Variants in USF3 observed in about 807,000 individuals in gnomAD.
USF3 encodes the protein upstream transcription factor family member 3.
In USF3, 29 loss-of-function variants were observed where a neutral mutation model predicts 157.5. The observed-to-expected ratio is 0.18, with a 90% CI of 0.14 to 0.25. The LOEUF (loss-of-function observed/expected upper bound fraction) is 0.25, where lower values mean the gene tolerates loss of function less well. Among genes scored for constraint, USF3 ranks in the 10% least tolerant of loss-of-function variants. USF3 has a pLI of 1.00. For missense variants in USF3, 2,381 were observed against 2,667.6 expected (o/e 0.89, Z 2.37); for synonymous variants, 893 against 941.4 (o/e 0.95, Z 0.94).
rs769725668 is a variant in USF3 at position 113,655,034 on chromosome 3, G to A, written c.6648C>T (p.Ser2216=). The A allele has an allele frequency of 2.2e-5, 36 of 1,614,120 alleles. No individual in the cohort carries two copies. The East Asian group carries it at 6.5e-4, about 29-fold the overall frequency. The change falls in exon 7 of 7, where the codon TCC becomes TCT. Residue 2216 remains serine (S), a synonymous_variant. Coordinates refer to ENST00000316407, the MANE Select transcript of USF3 (RefSeq NM_001009899.4). The part of the protein sequence containing the change: ...AMSPLLTIAN[S]SASDSSKQSS... ...ACTGCTTGGAAGAGTCAGAGGCAGA[G>A]GAATTTGCTATTGTAAGCAAAGGTG...
chr3:113,675,241 T>G, intron 2 of USF3, among the ~76,000 whole-genome samples: 1 of 152,184 alleles, frequency 6.6e-6, no homozygotes, highest in East Asian at 1.9e-4. Flanking sequence ...CATAGTTGAG[T>G]TGGGAGAGTA....
At chr3:113,684,128 A>T (rs1450732320) in intron 1 of USF3, among the ~76,000 whole-genome samples, 3 of 152,186 alleles carry the variant, frequency 2.0e-5, no homozygotes, top group African/African-American at 7.2e-5. Context: ...TGGATATAAT[A>T]TTCTAGGATA....
chr3:113,681,857 TAC>T (rs1459832985), intron 1 of USF3, among the ~76,000 whole-genome samples: 2 of 150,216 alleles, frequency 1.3e-5, no homozygotes, highest in Non-Finnish European at 3.0e-5. Flanking sequence ...TAGCTGGGAT[TAC>T]AGGTACCTGC....
chr3:113,653,805 T>C lies in USF3; in HGVS notation c.*1139A>G, dbSNP rs1228716872. ...AGACTATATATTTTTTGAAGCACCA[T>C]TTCACATCTACCAACAAGAAAAATA... On this transcript the variant is annotated 3_prime_UTR_variant, in exon 7 of 7. Transcript: ENST00000316407. The C allele has an allele frequency of 1.1e-4, 17 of 151,930 alleles. 1 individual carries two copies. The highest frequency in any genetic ancestry group is 1.0e-3 in the Admixed American group (16 of 15,258). 9.4% of individuals were successfully genotyped at this position (151,930 alleles called of 1,614,324 possible).
chr3:113,693,797 A>G (rs1707741840), intron 1 of USF3, among the ~76,000 whole-genome samples: 1 of 152,224 alleles, frequency 6.6e-6, no homozygotes, highest in African/African-American at 2.4e-5. Flanking sequence ...AACTTTCATA[A>G]AAGTGTAATT....
At chr3:113,676,161 A>C (rs1233376241) in intron 2 of USF3, among the ~76,000 whole-genome samples, 1 of 152,162 alleles carries the variant, frequency 6.6e-6, no homozygotes, top group Non-Finnish European at 1.5e-5. Context: ...CCTGTCTTCT[A>C]ATCTGAGCCC....
In USF3 at chr3:113,655,567, G is replaced by C; in HGVS notation, c.6115C>G (p.Arg2039Gly). 1 of 1,614,086 alleles carries C rather than the reference G, an allele frequency of 6.2e-7. No individual in the cohort carries two copies. Among genetic ancestry groups the C allele is most frequent in the Non-Finnish European group, 8.5e-7 (1 of 1,180,008 alleles). The change falls in exon 7 of 7, where the codon CGT (arginine) becomes GGT (glycine). Residue 2039 changes from arginine to glycine, a missense_variant. By Grantham distance (125) the Arg-to-Gly change is moderately radical. Coordinates refer to ENST00000316407, the MANE Select transcript of USF3 (RefSeq NM_001009899.4). The stretch of plus-strand genomic sequence containing the variant: ...ACTTGTGGGCTATCAGGCATGAAAC[G>C]AACAATACTTCCTCTCTTCTCTGTG... ...PATEKRGSIV[R>G]FMPDSPQVPN...
intron 1 of USF3, among the ~76,000 whole-genome samples, chr3:113,687,228 G>GTC (rs1491015602): frequency 1.4e-4 from 13 of 90,410 alleles, no homozygotes; most frequent in Admixed American, 9.8e-4. Context: ...TACACACACA[G>GTC]TCACACACAC....
chr3:113,655,939 C>T lies in USF3; in HGVS notation c.5743G>A (p.Val1915Ile), dbSNP rs1947349200. 1 of 1,614,148 alleles carries T rather than the reference C, an allele frequency of 6.2e-7. No homozygotes were observed. Among genetic ancestry groups the T allele is most frequent in the Admixed American group, 1.7e-5 (1 of 60,018 alleles). The stretch of plus-strand genomic sequence containing the variant: ...ATGGGATTGGATTTCTGTACAGAAA[C>T]ATTGGGGCTTGTGTTTCGACCTTGA... ...DIQGRNTSPN[V>I]SVQKSNPMRI... The change falls in exon 7 of 7, where the codon GTT becomes ATT. Residue 1915 changes from valine (V) to isoleucine (I), a missense_variant. Coordinates refer to ENST00000316407, the MANE Select transcript of USF3 (RefSeq NM_001009899.4).
chr3:113,692,464 G>C (rs1293608432), intron 1 of USF3, among the ~76,000 whole-genome samples: 1 of 152,036 alleles, frequency 6.6e-6, no homozygotes. Flanking sequence ...CTCAGTAACT[G>C]AGTAATAAAT....
At position 113,659,050 on chromosome 3, in the gene USF3, C is replaced by A; in HGVS notation, c.2632G>T (p.Glu878Ter). The A allele has an allele frequency of 6.2e-7, 1 of 1,614,138 alleles. No individual in the cohort carries two copies. The highest frequency in any genetic ancestry group is 8.5e-7 in the Non-Finnish European group (1 of 1,180,014). ...GVLSSESLIP[E>*]SVSKSKSAEK... ...GCTGACTTAGATTTCGATACAGACT[C>A]AGGTATTAATGATTCAGAGCTTAGA... The change falls in exon 7 of 7, where the codon GAG becomes TAG. Residue 878 changes from glutamate to a stop codon, truncating the protein, a stop_gained. Transcript: ENST00000316407. LOFTEE classifies it high-confidence loss of function.
Position 113,660,157 on chromosome 3 carries a change from G to A in USF3, c.1525C>T (p.Leu509=). ...GATTTAACTTGTGGCTGGGCAATTA[G>A]TGGCTGCATAGGTAAAGATGGACAA... ...PSCPSLPMQP[L]IAQPQVKSQP... Residue 509 remains leucine, a synonymous_variant, in exon 7 of 7, where the codon CTA becomes TTA. Transcript: ENST00000316407. The A allele has an allele frequency of 1.2e-6, 2 of 1,614,192 alleles. No homozygotes were observed. The highest frequency in any genetic ancestry group is 1.7e-6 in the Non-Finnish European group (2 of 1,180,036).
At chr3:113,669,164 T>C (rs1707083208) in intron 5 of USF3, among the ~76,000 whole-genome samples, 1 of 152,122 alleles carries the variant, frequency 6.6e-6, no homozygotes, top group Admixed American at 6.5e-5. Flanking sequence ...AAAAACTGAA[T>C]ACCAATTTAA....
chr3:113,670,545 C>T (rs761597615), intron 4 of USF3, among the ~76,000 whole-genome samples: 11 of 151,616 alleles, frequency 7.3e-5, no homozygotes, highest in Non-Finnish European at 1.5e-4. Context: ...GGCTGCAGTG[C>T]GCTGAGATCA....
At chr3:113,663,244 A>G (rs539551953) in intron 6 of USF3, among the ~76,000 whole-genome samples, 4 of 152,136 alleles carry the variant, frequency 2.6e-5, no homozygotes, top group Admixed American at 2.6e-4. Flanking sequence ...CGCAACTTCT[A>G]TTTTTCAACA....
In USF3 at chr3:113,657,142, T is replaced by C; in HGVS notation, c.4540A>G (p.Thr1514Ala). Residue 1514 changes from threonine to alanine, a missense_variant, in exon 7 of 7, where the codon ACT becomes GCT. Physicochemically the swap from Thr to Ala is moderately conservative, Grantham distance 58 (BLOSUM62 0). Around this residue, in one of 6 missense-constraint regions of USF3, gnomAD observed 50 missense variants for 79.7 expected, o/e 0.63. Coordinates refer to ENST00000316407, the MANE Select transcript of USF3 (RefSeq NM_001009899.4). The part of the protein sequence containing the change: ...SQPHNVHQQR[T>A]LQQEVQMQKK... ...TGCATCTGAACTTCCTGTTGCAGAG[T>C]CCTCTGTTGGTGGACATTATGGGGC... 2 of 1,613,968 alleles carry C rather than the reference T, an allele frequency of 1.2e-6. No homozygotes were observed. Among genetic ancestry groups the C allele is most frequent in the Non-Finnish European group, 1.7e-6 (2 of 1,180,004 alleles).
chr3:113,688,369 T>C lies in USF3; in HGVS notation c.-135+8001A>G, dbSNP rs150241025. ...TCCTGACCTCGTGATCCCCCCACCT[T>C]GGCCTCCCTAAGTGCTGGGATTATA... On this transcript the variant is annotated intron_variant, in intron 1 of 6. Coordinates refer to ENST00000316407, the MANE Select transcript of USF3 (RefSeq NM_001009899.4). Among the ~76,000 whole-genome samples, 837 of 152,256 alleles carry C rather than the reference T, an allele frequency of 5.5e-3. 5 individuals are homozygous for C. Among genetic ancestry groups the C allele is most frequent in the African/African-American group, 6.9e-3 (285 of 41,564 alleles).
rs748011837 is a variant in USF3 at position 113,661,401 on chromosome 3, T to G, written c.281A>C (p.Lys94Thr). Residue 94 changes from lysine to threonine, a missense_variant, in exon 7 of 7, where the codon AAA (lysine) becomes ACA (threonine). Coordinates refer to ENST00000316407, the MANE Select transcript of USF3 (RefSeq NM_001009899.4). Reference protein sequence around the residue: ...EQAEEIKKLRKQLEEIQKENG... With the variant: ...EQAEEIKKLRTQLEEIQKENG... Reference sequence around the variant, plus strand: ...TTCTTTTTGGATTTCTTCCAGTTGTTTCCGTAGCTTTTTTATTTCTTCAGC... The same window carrying G: ...TTCTTTTTGGATTTCTTCCAGTTGTGTCCGTAGCTTTTTTATTTCTTCAGC... 6.4e-7 allele frequency: 1 copy of G among 1,560,954 alleles called. No homozygotes were observed. Among genetic ancestry groups the G allele is most frequent in the Admixed American group, 2.1e-5 (1 of 47,238 alleles).
At position 113,652,716 on chromosome 3, in the gene USF3, G is replaced by A. The variant is rs537848410; in HGVS notation, c.*2228C>T. ...CATGCCTGTAATTCCAGTACTTTGGGAGGCCGAGGTGGGTGGATCACCTGA... is the reference window on the plus strand; with the variant it reads ...CATGCCTGTAATTCCAGTACTTTGGAAGGCCGAGGTGGGTGGATCACCTGA... On this transcript the variant is annotated 3_prime_UTR_variant, in exon 7 of 7. Transcript: ENST00000316407. 124 of 154,408 alleles carry A rather than the reference G, an allele frequency of 8.0e-4. 4 individuals carry two copies. In the South Asian group the frequency reaches 0.024, roughly 30 times the overall value. The allele number at this position is 154,408 out of a possible 1,614,324, so 9.6% of individuals were successfully genotyped here. A position where few individuals can be genotyped will look rare whatever the true frequency, so the allele number is the denominator to read the frequency against.
Sources: gnomAD v4.1 joint callset for allele counts (sites outside exome capture counted in the v4.1 genomes callset) on GRCh38, gnomAD v4.1.1 for gene constraint, gnomAD v4.1.1 regional missense constraint, MANE v1.5 for transcripts, NCBI Gene and HGNC (gene_info 2026-07-23, HGNC 2026-07-21) for gene names.